Variants in ATP8A1 observed in about 807,000 individuals in gnomAD.
ATP8A1 encodes the protein ATPase phospholipid transporting 8A1.
ATP8A1 carries 90 observed loss-of-function variants against 177.7 expected under a neutral mutation model. That is an observed-to-expected ratio of 0.51 (90% CI 0.43 to 0.60). ATP8A1 has a LOEUF of 0.60. Ranked by LOEUF, ATP8A1 falls within the 20% of genes least tolerant of loss-of-function variation. The pLI is 0.00. For missense variants in ATP8A1, 1,072 were observed against 1,392.8 expected (o/e 0.77, Z 3.67); for synonymous variants, 493 against 485.9 (o/e 1.01, Z -0.19).
intron 27 of ATP8A1, among the ~76,000 whole-genome samples, chr4:42,456,776 G>C (rs1718534811): frequency 6.6e-6 from 1 of 152,148 alleles, no homozygotes; most frequent in African/African-American, 2.4e-5. Flanking sequence ...GAGGAGAGCG[G>C]TCTTGACATG....
intron 16 of ATP8A1, 99 bp from the exon 17 acceptor site, chr4:42,552,709 C>A: frequency 1.2e-6 from 1 of 866,072 alleles, no homozygotes; most frequent in South Asian, 1.6e-5. Flanking sequence ...AGTTGTTGGC[C>A]AGACATGGTA....
chr4:42,418,878 G>A lies in ATP8A1; in HGVS notation c.3305+3929C>T, dbSNP rs1014033507. Among the ~76,000 whole-genome samples, 6 of 152,266 alleles carry A rather than the reference G, an allele frequency of 3.9e-5. No individual in the cohort carries two copies. In the East Asian group the frequency reaches 9.6e-4, roughly 24 times the overall value. ...ATTTTTTCTGAAAATGAACAAAGATGAGAAATTATTGTAAATATTAATCTT... is the reference window on the plus strand; with the variant it reads ...ATTTTTTCTGAAAATGAACAAAGATAAGAAATTATTGTAAATATTAATCTT... On this transcript the variant is annotated intron_variant, in intron 35 of 36. Coordinates refer to ENST00000381668, the MANE Select transcript of ATP8A1 (RefSeq NM_006095.2).
rs1195921792 is a variant in ATP8A1 at position 42,624,485 on chromosome 4, CATAT to C, written c.363+47_363+50del. 3.1e-6 allele frequency: 3 copies of C among 973,308 alleles called. No individual in the cohort carries two copies. In the African/African-American group the frequency reaches 5.2e-5, roughly 17 times the overall value. 60.3% of individuals were successfully genotyped at this position (973,308 alleles called of 1,614,324 possible). The stretch of plus-strand genomic sequence containing the variant: ...TTTAAGAAAAAACTAATATTTAAAG[CATAT>C]ATAAATAACAAAGTCACATACAATT... On this transcript the variant is annotated intron_variant, in intron 4 of 36. Transcript: ENST00000381668.
At chr4:42,644,628 TCC>T (rs1267402729) in intron 1 of ATP8A1, among the ~76,000 whole-genome samples, 1 of 152,008 alleles carries the variant, frequency 6.6e-6, no homozygotes, top group East Asian at 1.9e-4. Context: ...GTTTTTCTAA[TCC>T]CCAGAGCGTC....
chr4:42,521,241 A>G (rs1439110083), intron 22 of ATP8A1, among the ~76,000 whole-genome samples: 2 of 152,238 alleles, frequency 1.3e-5, no homozygotes, highest in African/African-American at 2.4e-5. Context: ...GTTAGAATGA[A>G]GTCACTTGAA....
chr4:42,433,870 G>A (rs1379963095), intron 33 of ATP8A1, among the ~76,000 whole-genome samples: 1 of 139,284 alleles, frequency 7.2e-6, no homozygotes, highest in African/African-American at 2.7e-5. Flanking sequence ...AAAAAAAAAC[G>A]ATTAAAAAAG....
chr4:42,546,370 G>C (rs1327382755), intron 19 of ATP8A1, among the ~76,000 whole-genome samples: 1 of 143,678 alleles, frequency 7.0e-6, no homozygotes, highest in Non-Finnish European at 1.5e-5. Context: ...TTACAGGTGG[G>C]AATTGAACAA....
intron 1 of ATP8A1, among the ~76,000 whole-genome samples, chr4:42,636,156 A>ACACGCGCGCGCGCGCGCG (rs565139270): frequency 1.1e-5 from 1 of 90,894 alleles, no homozygotes; most frequent in Non-Finnish European, 2.6e-5. Flanking sequence ...ACACACACAC[A>ACACGCGCGCGCGCGCGCG]CGCACACACA....
chr4:42,625,075 T>TA (rs1459799144), intron 3 of ATP8A1: 3 of 150,648 alleles, frequency 2.0e-5, no homozygotes, highest in African/African-American at 7.3e-5. Flanking sequence ...ACCAGAAGGA[T>TA]ATATACCCAC....
At chr4:42,636,196 A>G (rs1269685989) in intron 1 of ATP8A1, among the ~76,000 whole-genome samples, 1 of 146,942 alleles carries the variant, frequency 6.8e-6, no homozygotes, top group Non-Finnish European at 1.5e-5. Context: ...CTGGATCAAA[A>G]CAATTCTTGG....
chr4:42,417,561 A>G (rs1469846797), intron 35 of ATP8A1, among the ~76,000 whole-genome samples: 1 of 152,226 alleles, frequency 6.6e-6, no homozygotes, highest in Non-Finnish European at 1.5e-5. Context: ...GTGAATATAA[A>G]GATAACATGT....
Position 42,624,606 on chromosome 4 carries a change from C to T in ATP8A1, c.293G>A (p.Arg98His), listed in dbSNP as rs755793968. 24 of 1,459,322 alleles carry T rather than the reference C, an allele frequency of 1.6e-5. No individual in the cohort carries two copies. Among genetic ancestry groups the T allele is most frequent in the African/African-American group, 7.3e-5 (5 of 68,706 alleles). 90.4% of individuals were successfully genotyped at this position (1,459,322 alleles called of 1,614,324 possible). Residue 98 changes from arginine (R) to histidine (H), a missense_variant, in exon 4 of 37, where the codon CGT becomes CAT. Physicochemically the swap from Arg to His is conservative, Grantham distance 29 (BLOSUM62 0). This residue lies in a region of ATP8A1 where 344 missense variants were observed against 393.5 expected (regional missense o/e 0.87). Transcript: ENST00000381668. ...TAAGAGAGGAACCAGTGTTGTATAACGACCTGTTGGTGACACATCAGGTAT... is the reference window on the plus strand; with the variant it reads ...TAAGAGAGGAACCAGTGTTGTATAATGACCTGTTGGTGACACATCAGGTAT... Reference protein sequence around the residue: ...QQIPDVSPTGRYTTLVPLLFI... With the variant: ...QQIPDVSPTGHYTTLVPLLFI...
chr4:42,521,979 A>C (rs934428965), intron 22 of ATP8A1, among the ~76,000 whole-genome samples, 181 bp downstream of exon 22: 1 of 152,198 alleles, frequency 6.6e-6, no homozygotes, highest in African/African-American at 2.4e-5. Context: ...CTAACCCCAA[A>C]GGCTTCTCAG....
rs1560292248 is a variant in ATP8A1 at position 42,409,562 on chromosome 4, A to C, written c.*3354T>G. Reference sequence around the variant, plus strand: ...GGCACTTTCTCCATAAATTTTGTAGATGACTATTTGTAAGATTATACACTT... The same window carrying C: ...GGCACTTTCTCCATAAATTTTGTAGCTGACTATTTGTAAGATTATACACTT... On this transcript the variant is annotated 3_prime_UTR_variant, in exon 37 of 37. Coordinates refer to ENST00000381668, the MANE Select transcript of ATP8A1 (RefSeq NM_006095.2). 6.6e-6 allele frequency: 1 copy of C among 152,162 alleles called. No individual in the cohort carries two copies. Among genetic ancestry groups the C allele is most frequent in the Non-Finnish European group, 1.5e-5 (1 of 68,004 alleles). The allele number at this position is 152,162 out of a possible 1,614,324, so 9.4% of individuals were successfully genotyped here.
intron 15 of ATP8A1, among the ~76,000 whole-genome samples, chr4:42,558,667 A>G (rs1730501035): frequency 6.6e-6 from 1 of 152,132 alleles, no homozygotes; most frequent in Admixed American, 6.5e-5. Flanking sequence ...GAGCCATCAG[A>G]GAAAAGGAAG....
At chr4:42,510,915 G>T (rs1392077265) in intron 22 of ATP8A1, among the ~76,000 whole-genome samples, 1 of 152,204 alleles carries the variant, frequency 6.6e-6, no homozygotes, top group Non-Finnish European at 1.5e-5. Context: ...GGGCCAGCAA[G>T]GTATGCTGAG....
intron 33 of ATP8A1, among the ~76,000 whole-genome samples, chr4:42,436,190 C>G (rs1715975016): frequency 6.6e-6 from 1 of 152,180 alleles, no homozygotes; most frequent in Admixed American, 6.5e-5. Flanking sequence ...ACGGGTACAC[C>G]ATGGCCTCTC....
chr4:42,507,199 T>C (rs774699005), intron 22 of ATP8A1, 45 bp from the exon 23 acceptor site: 4 of 1,596,968 alleles, frequency 2.5e-6, no homozygotes, highest in Non-Finnish European at 3.4e-6. Flanking sequence ...TCCGTTCATA[T>C]TCTTTAAAAA....
intron 24 of ATP8A1, among the ~76,000 whole-genome samples, chr4:42,495,703 T>C (rs886573726): frequency 6.6e-5 from 10 of 152,100 alleles, no homozygotes; most frequent in Non-Finnish European, 1.5e-4. Flanking sequence ...GAAAAACATA[T>C]GTGTATAGAA....
Sources: allele counts gnomAD v4.1 joint callset (sites outside exome capture counted in the v4.1 genomes callset), GRCh38; gene constraint gnomAD v4.1.1; regional missense constraint gnomAD v4.1.1; transcripts MANE v1.5; gene names NCBI Gene and HGNC (gene_info 2026-07-23, HGNC 2026-07-21).